Variants in TENM3 observed in about 807,000 individuals in gnomAD.
TENM3 encodes teneurin-3.
Under a neutral mutation model 255.1 loss-of-function variants are expected in TENM3, and 63 were observed. That is an observed-to-expected ratio of 0.25 (90% CI 0.20 to 0.30). The LOEUF (loss-of-function observed/expected upper bound fraction) is 0.30. Among genes scored for constraint, TENM3 ranks in the 10% least tolerant of loss-of-function variants. The pLI, the probability that TENM3 is intolerant of heterozygous loss-of-function variation, is 1.00. For synonymous variants in TENM3, 1,306 were observed against 1,322.3 expected (o/e 0.99, Z 0.27); for missense variants, 2,929 against 3,461.1 (o/e 0.85, Z 3.86).
intron 3 of TENM3, among the ~76,000 whole-genome samples, chr4:182,495,724 A>G (rs1735714346): frequency 6.6e-6 from 1 of 152,176 alleles, no homozygotes; most frequent in African/African-American, 2.4e-5. Flanking sequence ...ATTGGCCTTC[A>G]TTTGCTGAAA....
chr4:182,654,733 A>G (rs936388469), intron 6 of TENM3, among the ~76,000 whole-genome samples: 25 of 152,102 alleles, frequency 1.6e-4, no homozygotes, highest in African/African-American at 5.8e-4. Flanking sequence ...TAATATGTCT[A>G]TCCTCATGTG....
the TENM3 span, among the ~76,000 whole-genome samples, chr4:182,062,320 A>T: frequency 6.6e-6 from 1 of 152,212 alleles, no homozygotes; most frequent in Non-Finnish European, 1.5e-5. Flanking sequence ...GTATTTGTGT[A>T]TACAGGTTGA....
intron 3 of TENM3, among the ~76,000 whole-genome samples, chr4:182,475,977 T>C (rs1027108836): frequency 6.6e-6 from 1 of 152,174 alleles, no homozygotes; most frequent in African/African-American, 2.4e-5. Context: ...CCAGCTTAAG[T>C]GGAATATATG....
the TENM3 span, among the ~76,000 whole-genome samples, chr4:181,585,857 C>A: frequency 6.6e-5 from 10 of 152,128 alleles, no homozygotes; most frequent in Admixed American, 5.2e-4. Flanking sequence ...AGGAGGGTCC[C>A]ATAGCTTGGA....
the TENM3 span, among the ~76,000 whole-genome samples, chr4:181,495,946 A>G: frequency 1.5e-4 from 23 of 150,894 alleles, no homozygotes; most frequent in African/African-American, 5.3e-4. Flanking sequence ...TTGCTCATCC[A>G]GTCTACCTGG....
In TENM3 at chr4:182,729,278, G is replaced by C; in HGVS notation, c.2585+97G>C. On this transcript the variant is annotated intron_variant, in intron 14 of 27. Transcript: ENST00000511685. ...TCATGACTGTGAACCTGAGGAAAGT[G>C]CTGTTTTTTAAATACAGTTTTTCCT... 2.8e-6 allele frequency: 3 copies of C among 1,076,708 alleles called. No homozygotes were observed. The South Asian group carries it at 4.6e-5, about 17-fold the overall frequency. 66.7% of individuals were successfully genotyped at this position (1,076,708 alleles called of 1,614,324 possible).
intron 25 of TENM3, among the ~76,000 whole-genome samples, chr4:182,791,454 G>A (rs1360904601): frequency 6.6e-6 from 1 of 152,188 alleles, no homozygotes; most frequent in Non-Finnish European, 1.5e-5. Flanking sequence ...ACTGTCATTT[G>A]TCTTTCGGCA....
At chr4:181,802,757 T>C in the TENM3 span, among the ~76,000 whole-genome samples, 1 of 152,206 alleles carries the variant, frequency 6.6e-6, no homozygotes, top group Non-Finnish European at 1.5e-5. Flanking sequence ...TCATTTCAAC[T>C]CTTTATAGTT....
At chr4:182,498,442 C>G (rs917060664) in intron 3 of TENM3, among the ~76,000 whole-genome samples, 1 of 152,036 alleles carries the variant, frequency 6.6e-6, no homozygotes, top group Admixed American at 6.5e-5. Flanking sequence ...CGATCCATTC[C>G]CATCACTCTA....
chr4:181,966,571 TGC>T, the TENM3 span, among the ~76,000 whole-genome samples: 1 of 152,154 alleles, frequency 6.6e-6, no homozygotes, highest in Non-Finnish European at 1.5e-5. Flanking sequence ...GAGAATAAAA[TGC>T]GAGCTGAAAT....
intron 12 of TENM3, among the ~76,000 whole-genome samples, chr4:182,705,954 G>C (rs1013154386): frequency 2.6e-5 from 4 of 152,084 alleles, no homozygotes; most frequent in Admixed American, 2.6e-4. Context: ...GCTTTCTTTA[G>C]TTTATATAAG....
At chr4:181,597,694 G>A in the TENM3 span, among the ~76,000 whole-genome samples, 6 of 151,998 alleles carry the variant, frequency 3.9e-5, no homozygotes, top group South Asian at 2.1e-4. Context: ...CAGAGTTCCC[G>A]TTGTTTTGAA....
intron 5 of TENM3, among the ~76,000 whole-genome samples, chr4:182,635,721 T>C (rs1751787673): frequency 6.6e-6 from 1 of 152,234 alleles, no homozygotes; most frequent in African/African-American, 2.4e-5. Flanking sequence ...CTAAAAAGGC[T>C]GTTTAACAAC....
chr4:182,253,468 T>C (rs1351926723), intron 1 of TENM3, among the ~76,000 whole-genome samples: 1 of 152,144 alleles, frequency 6.6e-6, no homozygotes, highest in Non-Finnish European at 1.5e-5. Context: ...AGCAAAACTC[T>C]GTCCCCCCAG....
At chr4:182,320,325 T>G (rs1762976479) in intron 1 of TENM3, among the ~76,000 whole-genome samples, 1 of 152,178 alleles carries the variant, frequency 6.6e-6, no homozygotes, top group Non-Finnish European at 1.5e-5. Context: ...AGGTAAAAAG[T>G]GTGAGGTCAA....
intron 3 of TENM3, among the ~76,000 whole-genome samples, chr4:182,558,989 A>G (rs1331763633): frequency 2.0e-5 from 3 of 152,164 alleles, no homozygotes; most frequent in Admixed American, 6.5e-5. Context: ...TTGGAATTTA[A>G]TGCAATTCCA....
At chr4:182,550,764 T>A (rs985951750) in intron 3 of TENM3, among the ~76,000 whole-genome samples, 2 of 152,156 alleles carry the variant, frequency 1.3e-5, no homozygotes, top group Admixed American at 1.3e-4. Context: ...CAATACTTAA[T>A]ATAGTGCTTA....
the TENM3 span, among the ~76,000 whole-genome samples, chr4:182,053,130 T>C: frequency 6.6e-6 from 1 of 152,114 alleles, no homozygotes; most frequent in South Asian, 2.1e-4. Flanking sequence ...TTTAGCAGTA[T>C]TTTCTATGAC....
chr4:182,389,701 T>TTTTTTTG, intron 3 of TENM3, among the ~76,000 whole-genome samples: 1 of 148,772 alleles, frequency 6.7e-6, no homozygotes, highest in Middle Eastern at 3.5e-3. Context: ...CTTTTTTTTT[T>TTTTTTTG]TTGAGACGGA....
Sources: gnomAD v4.1 joint callset for allele counts (sites outside exome capture counted in the v4.1 genomes callset) on GRCh38, gnomAD v4.1.1 for gene constraint, MANE v1.5 for transcripts, NCBI Gene and HGNC (gene_info 2026-07-23, HGNC 2026-07-21) for gene names.